Variants in PCDHGB3 observed in about 807,000 individuals in gnomAD.
The protein encoded by PCDHGB3 is protocadherin gamma-B3.
PCDHGB3 carries 40 observed loss-of-function variants against 59.2 expected under a neutral mutation model. The observed-to-expected ratio is 0.68, with a 90% CI of 0.52 to 0.88. The LOEUF (loss-of-function observed/expected upper bound fraction) is 0.88, where lower values mean the gene tolerates loss of function less well. Among genes scored for constraint, PCDHGB3 ranks in the 40% least tolerant of loss-of-function variants. The pLI is 0.00. For missense variants in PCDHGB3, 1,309 were observed against 1,187.9 expected, an observed-to-expected ratio of 1.10 and a Z score of -1.50; for synonymous variants, 581 against 503.6, an observed-to-expected ratio of 1.15 and a Z score of -2.06.
chr5:141,374,301 A>T, intron 1 of PCDHGB3: 1 of 1,613,996 alleles, frequency 6.2e-7, no homozygotes, highest in Non-Finnish European at 8.5e-7. Flanking sequence ...GGTAGGATGC[A>T]GCTTTTCTCT....
Position 141,438,021 on chromosome 5 carries a change from G to T in PCDHGB3, c.2416-56786G>T, listed in dbSNP as rs112167613. ...CTCCCAAATAGCTGAGATTACAGGT[G>T]TGAGCCACCATGCCCGACCACTTTG... On this transcript the variant is annotated intron_variant, in intron 1 of 3. Transcript: ENST00000576222. Among the ~76,000 whole-genome samples the T allele has an allele frequency of 1.6e-3, 250 of 152,256 alleles. 2 individuals are homozygous for T. Among genetic ancestry groups the T allele is most frequent in the African/African-American group, 5.3e-3 (221 of 41,544 alleles).
chr5:141,398,067 C>T, intron 1 of PCDHGB3: 1 of 1,577,626 alleles, frequency 6.3e-7, no homozygotes, highest in Non-Finnish European at 8.6e-7. Flanking sequence ...ATCTACAATA[C>T]AGAGGTTATT....
At chr5:141,393,777 G>A (rs1388423635) in intron 1 of PCDHGB3, 2 of 1,613,916 alleles carry the variant, frequency 1.2e-6, no homozygotes, top group East Asian at 2.2e-5. Context: ...AATACAAGCC[G>A]AAGATGTGGG....
At chr5:141,438,018 G>A (rs959672278) in intron 1 of PCDHGB3, among the ~76,000 whole-genome samples, 1 of 152,082 alleles carries the variant, frequency 6.6e-6, no homozygotes, top group African/African-American at 2.4e-5. Context: ...TGAGATTACA[G>A]GTGTGAGCCA....
In PCDHGB3 at chr5:141,389,591, C is replaced by G. The variant is rs533336501; in HGVS notation, c.2415+16782C>G. ...TGTACCCCGCGCTGGGTCCCGACGG[C>G]TCTGCGCTCTTCGATATGGTGCCGC... On this transcript the variant is annotated intron_variant, in intron 1 of 3. Transcript: ENST00000576222. 2.1e-5 allele frequency: 34 copies of G among 1,613,176 alleles called. No homozygotes were observed. The African/African-American group carries it at 2.1e-4, about 10-fold the overall frequency.
intron 1 of PCDHGB3, chr5:141,417,843 G>C: frequency 6.5e-7 from 1 of 1,539,250 alleles, no homozygotes; most frequent in Non-Finnish European, 8.8e-7. Context: ...GGGACCCAGC[G>C]AGAACCCGAG....
intron 3 of PCDHGB3, among the ~76,000 whole-genome samples, chr5:141,507,625 G>C (rs2099862215): frequency 6.6e-6 from 1 of 152,256 alleles, no homozygotes; most frequent in Non-Finnish European, 1.5e-5. Context: ...AGCTGTTGTG[G>C]CCTTGCGCCC....
intron 1 of PCDHGB3, among the ~76,000 whole-genome samples, chr5:141,473,246 A>G (rs1045740920): frequency 7.2e-5 from 11 of 152,224 alleles, no homozygotes; most frequent in Admixed American, 4.6e-4. Context: ...AAGTGAATAC[A>G]TATATAGTCC....
chr5:141,509,516 T>C (rs2099877144), intron 3 of PCDHGB3, among the ~76,000 whole-genome samples: 1 of 152,130 alleles, frequency 6.6e-6, no homozygotes, highest in Non-Finnish European at 1.5e-5. Context: ...GTGTTGATGA[T>C]GTATTGCACA....
chr5:141,473,269 A>G (rs2099318337), intron 1 of PCDHGB3, among the ~76,000 whole-genome samples: 1 of 152,208 alleles, frequency 6.6e-6, no homozygotes. Flanking sequence ...AGTGTATGCT[A>G]TGATTATTTT....
At chr5:141,466,621 T>A (rs911794654) in intron 1 of PCDHGB3, among the ~76,000 whole-genome samples, 1 of 152,208 alleles carries the variant, frequency 6.6e-6, no homozygotes, top group Non-Finnish European at 1.5e-5. Context: ...GCCGTTTTCT[T>A]TGGAGCATTG....
intron 1 of PCDHGB3, chr5:141,423,068 A>T: frequency 6.2e-7 from 1 of 1,614,090 alleles, no homozygotes; most frequent in Non-Finnish European, 8.5e-7. Context: ...AAGGCCAGCG[A>T]GCCGGGACTC....
intron 2 of PCDHGB3, among the ~76,000 whole-genome samples, chr5:141,500,788 A>T (rs1379810633): frequency 2.6e-5 from 4 of 152,198 alleles, no homozygotes; most frequent in Admixed American, 6.5e-5. Context: ...ATATTATTTT[A>T]CAGAATAAGT....
rs113212669 is a variant in PCDHGB3 at position 141,465,048 on chromosome 5, A to T, written c.2416-29759A>T. 2.4e-3 allele frequency among the ~76,000 whole-genome samples: 362 copies of T among 151,344 alleles called. 4 individuals are homozygous for T. Among genetic ancestry groups the T allele is most frequent in the African/African-American group, 8.4e-3 (346 of 41,268 alleles). On this transcript the variant is annotated intron_variant, in intron 1 of 3. Transcript: ENST00000576222. ...TGAACCACCACAAATGACCCTATAT[A>T]TTTTTTTGAATTGTCTGTTCATGTC...
chr5:141,385,164 T>C (rs758100484), intron 1 of PCDHGB3: 3 of 1,614,168 alleles, frequency 1.9e-6, no homozygotes, highest in Middle Eastern at 1.6e-4. Flanking sequence ...CCTATTCCCA[T>C]GAGGTCTCCC....
Position 141,376,079 on chromosome 5 carries a change from G to A in PCDHGB3, c.2415+3270G>A, listed in dbSNP as rs367626751. ...TGTCACGCTCACCGTGGCCGTGGCC[G>A]ACAGGATCCCCGACATCCTGGCCGA... is the stretch of plus-strand genomic sequence containing the variant. On this transcript the variant is annotated intron_variant, in intron 1 of 3. Coordinates refer to ENST00000576222, the MANE Select transcript of PCDHGB3 (RefSeq NM_018924.5). The A allele has an allele frequency of 5.8e-5, 93 of 1,613,564 alleles. No individual in the cohort carries two copies. The highest frequency in any genetic ancestry group is 1.3e-4 in the Admixed American group (8 of 60,010).
intron 1 of PCDHGB3, among the ~76,000 whole-genome samples, chr5:141,438,397 C>A (rs950830331): frequency 6.6e-6 from 1 of 151,624 alleles, no homozygotes. Context: ...TCATCATTAA[C>A]TCTCTGAAGT....
chr5:141,421,397 C>T, intron 1 of PCDHGB3: 1 of 1,614,030 alleles, frequency 6.2e-7, no homozygotes, highest in Non-Finnish European at 8.5e-7. Context: ...GGGCTGGAGC[C>T]CCGGGAGCTG....
chr5:141,464,419 A>C (rs2099083824), intron 1 of PCDHGB3, among the ~76,000 whole-genome samples: 1 of 151,658 alleles, frequency 6.6e-6, no homozygotes, highest in Non-Finnish European at 1.5e-5. Flanking sequence ...ATATATCTAT[A>C]TATATAGATA....
Sources: allele counts gnomAD v4.1 joint callset (sites outside exome capture counted in the v4.1 genomes callset), GRCh38; gene constraint gnomAD v4.1.1; transcripts MANE v1.5; gene names NCBI Gene and HGNC (gene_info 2026-07-23, HGNC 2026-07-21).